The following CSMD1 variants were observed in gnomAD, a reference collection of about 807,000 sequenced individuals.
CSMD1 encodes the protein CUB and Sushi multiple domains 1.
A neutral mutation model predicts 417.5 loss-of-function variants in CSMD1; 213 were observed. The observed-to-expected ratio is 0.51, with a 90% CI of 0.46 to 0.57. CSMD1 has a LOEUF of 0.57. CSMD1 is among the 20% of genes least tolerant of loss of function. CSMD1 has a pLI of 0.00. For missense variants in CSMD1, 6,923 were observed against 4,529.7 expected (o/e 1.53, Z -15.17); for synonymous variants, 2,862 against 1,736.8 (o/e 1.65, Z -16.11).
chr8:4,339,314 G>T (rs563513990), intron 3 of CSMD1, among the ~76,000 whole-genome samples: 1 of 152,200 alleles, frequency 6.6e-6, no homozygotes, highest in Non-Finnish European at 1.5e-5. Context: ...ACCATTTTGT[G>T]ATTTAAATTC....
intron 3 of CSMD1, among the ~76,000 whole-genome samples, chr8:4,063,223 A>G (rs917365339): frequency 7.9e-5 from 12 of 152,270 alleles, no homozygotes; most frequent in African/African-American, 1.9e-4. Flanking sequence ...CTTTGTGTGC[A>G]TATTTCAAAA....
chr8:2,979,753 T>C (rs1057378330), intron 54 of CSMD1, among the ~76,000 whole-genome samples: 10 of 152,232 alleles, frequency 6.6e-5, no homozygotes, highest in Non-Finnish European at 1.5e-4. Flanking sequence ...TTTAGTGCAG[T>C]AGAATAATGT....
At chr8:3,310,397 C>A (rs2117408062) in intron 23 of CSMD1, among the ~76,000 whole-genome samples, 1 of 152,262 alleles carries the variant, frequency 6.6e-6, no homozygotes, top group South Asian at 2.1e-4. Context: ...GAAGGCAGTC[C>A]TGCCCAGCAT....
At chr8:3,859,094 A>T (rs373021894) in intron 5 of CSMD1, among the ~76,000 whole-genome samples, 22 of 152,306 alleles carry the variant, frequency 1.4e-4, no homozygotes, top group African/African-American at 5.3e-4. Flanking sequence ...TCATCCATGC[A>T]CATTCAATCA....
At chr8:4,526,909 T>C (rs147916976) in intron 2 of CSMD1, among the ~76,000 whole-genome samples, 290 of 152,282 alleles carry the variant, frequency 1.9e-3, no homozygotes, top group South Asian at 3.7e-3. Context: ...TGATCAAACA[T>C]GACTTCGTCA....
chr8:3,709,678 A>ATCTTTT, intron 6 of CSMD1, among the ~76,000 whole-genome samples: 1 of 24,320 alleles, frequency 4.1e-5, no homozygotes, highest in South Asian at 1.7e-3. Flanking sequence ...TTGCAGCAGC[A>ATCTTTT]TGTTTTTTTT....
intron 5 of CSMD1, among the ~76,000 whole-genome samples, chr8:3,878,607 G>T (rs909761639): frequency 6.6e-6 from 1 of 152,158 alleles, no homozygotes; most frequent in African/African-American, 2.4e-5. Context: ...CGATAAATCT[G>T]TAAGATCTAT....
intron 20 of CSMD1, among the ~76,000 whole-genome samples, chr8:3,363,793 A>T (rs13256047): frequency 0.24 from 36,211 of 152,054 alleles, 4,390 homozygotes; most frequent in African/African-American, 0.3. Context: ...AGAAGTTAGC[A>T]CTGAAGAAGT....
intron 7 of CSMD1, among the ~76,000 whole-genome samples, chr8:3,648,951 T>A (rs560915158): frequency 6.6e-6 from 1 of 152,222 alleles, no homozygotes; most frequent in South Asian, 2.1e-4. Context: ...ACAGAACCCG[T>A]AATGTACCCA....
At chr8:3,403,812 T>A (rs1297464160) in intron 15 of CSMD1, among the ~76,000 whole-genome samples, 1 of 152,238 alleles carries the variant, frequency 6.6e-6, no homozygotes, top group African/African-American at 2.4e-5. Context: ...CACATGTGTA[T>A]ATATTTACTC....
chr8:3,840,226 A>G (rs1472997863), intron 5 of CSMD1, among the ~76,000 whole-genome samples: 2 of 151,346 alleles, frequency 1.3e-5, no homozygotes, highest in Admixed American at 1.3e-4. Context: ...TGAACCTTTG[A>G]AAAAAAAAGA....
intron 3 of CSMD1, among the ~76,000 whole-genome samples, chr8:4,132,864 G>A (rs533458114): frequency 6.6e-6 from 1 of 152,136 alleles, no homozygotes; most frequent in Non-Finnish European, 1.5e-5. Context: ...TAGGATATAT[G>A]AAATTTATTC....
chr8:4,053,194 A>C (rs140861069), intron 3 of CSMD1, among the ~76,000 whole-genome samples: 1 of 152,222 alleles, frequency 6.6e-6, no homozygotes. Flanking sequence ...GCCTGAAAAT[A>C]TAACACGTTA....
chr8:4,077,898 T>C (rs928205177), intron 3 of CSMD1, among the ~76,000 whole-genome samples: 46 of 152,244 alleles, frequency 3.0e-4, no homozygotes, highest in African/African-American at 1.1e-3. Flanking sequence ...AATATAGCAA[T>C]GTCCTTCCCG....
At chr8:4,843,054 C>T (rs180873028) in intron 1 of CSMD1, among the ~76,000 whole-genome samples, 74 of 152,256 alleles carry the variant, frequency 4.9e-4, no homozygotes, top group African/African-American at 1.8e-3. Flanking sequence ...ATAAGAGATG[C>T]TAATTTACTC....
rs114448204 is a variant in CSMD1, at chr8:4,740,048, C to G, written c.86-102490G>C. On this transcript the variant is annotated intron_variant, in intron 1 of 69. Coordinates refer to ENST00000635120, the MANE Select transcript of CSMD1 (RefSeq NM_033225.6). Reference sequence around the variant, plus strand: ...ATCCTGGCAGAGGAATGCCACAGCTCTGGGAATGATCTCTGAGAACTCCAA... The same window carrying G: ...ATCCTGGCAGAGGAATGCCACAGCTGTGGGAATGATCTCTGAGAACTCCAA... Among the ~76,000 whole-genome samples, 805 of 152,142 alleles carry G rather than the reference C, an allele frequency of 5.3e-3. 6 individuals are homozygous for G. The highest frequency in any genetic ancestry group is 0.021 in the Middle Eastern group (6 of 292).
intron 3 of CSMD1, among the ~76,000 whole-genome samples, chr8:4,258,080 A>G (rs1328830800): frequency 6.6e-6 from 1 of 151,716 alleles, no homozygotes; most frequent in African/African-American, 2.4e-5. Context: ...AGTAACTGGG[A>G]CTACAGGCCC....
rs1005845733 is a variant in CSMD1 at position 3,346,243 on chromosome 8, C to T, written c.3474+1749G>A. ...ACTTTTTGTTATAATCAACTTTAAA[C>T]AGCATGCAATCACAAATGAACATAA... On this transcript the variant is annotated intron_variant, in intron 22 of 69. Transcript: ENST00000635120. Among the ~76,000 whole-genome samples, 50 of 152,178 alleles carry T rather than the reference C, an allele frequency of 3.3e-4. 1 individual carries two copies. The highest frequency in any genetic ancestry group is 1.9e-4 in the East Asian group (1 of 5,196).
chr8:4,586,326 G>C (rs1799697878), intron 2 of CSMD1, among the ~76,000 whole-genome samples: 1 of 152,210 alleles, frequency 6.6e-6, no homozygotes, highest in Non-Finnish European at 1.5e-5. Flanking sequence ...CATTGGCAGT[G>C]ACTAATTGCT....
Sources: gnomAD v4.1 joint callset for allele counts (sites outside exome capture counted in the v4.1 genomes callset) on GRCh38, gnomAD v4.1.1 for gene constraint, MANE v1.5 for transcripts, NCBI Gene and HGNC (gene_info 2026-07-23, HGNC 2026-07-21) for gene names.